TADA2B: variants seen among roughly 807,000 people sequenced by gnomAD.
TADA2B encodes the protein transcriptional adapter 2-beta.
TADA2B carries 13 observed loss-of-function variants against 34.5 expected under a neutral mutation model. The observed-to-expected ratio is 0.38, with a 90% confidence interval of 0.25 to 0.60. TADA2B has a LOEUF of 0.60. Ranked by LOEUF, TADA2B falls within the 20% of genes least tolerant of loss-of-function variation. The pLI, the probability that TADA2B is intolerant of heterozygous loss-of-function variation, is 0.65. For missense variants in TADA2B, 442 were observed against 575.0 expected (o/e 0.77, Z 2.37); for synonymous variants, 240 against 243.4 (o/e 0.99, Z 0.13).
chr4:7,055,164 T>A lies in TADA2B; in HGVS notation c.*110T>A. On this transcript the variant is annotated 3_prime_UTR_variant, in exon 2 of 2. Coordinates refer to ENST00000310074, the MANE Select transcript of TADA2B (RefSeq NM_152293.3). ...GTTGCTCTTTTTTAAACAAATTGAG[T>A]TCCTTTTTTTAAGATAGAAATTCTT... 1.8e-6 allele frequency: 2 copies of A among 1,139,078 alleles called. No individual in the cohort carries two copies. Among genetic ancestry groups the A allele is most frequent in the East Asian group, 5.2e-5 (2 of 38,520 alleles). 70.6% of individuals were successfully genotyped at this position (1,139,078 alleles called of 1,614,324 possible).
Position 7,043,602 on chromosome 4 carries a change from A to T in TADA2B, c.23A>T (p.Tyr8Phe). MAELGKK[Y>F]CVYCLAEVSP... ...AAGATGGCGGAGCTGGGGAAGAAGT[A>T]CTGCGTGTACTGCCTGGCCGAGGTG... is the stretch of plus-strand genomic sequence containing the variant. The change falls in exon 1 of 2, where the codon TAC becomes TTC. Residue 8 changes from tyrosine (Y) to phenylalanine (F), a missense_variant. Around this residue, in one of 4 missense-constraint regions of TADA2B, gnomAD observed 102 missense variants for 177.2 expected, o/e 0.58. Transcript: ENST00000310074. 2.2e-6 allele frequency: 3 copies of T among 1,385,208 alleles called. No individual in the cohort carries two copies. The highest frequency in any genetic ancestry group is 2.9e-6 in the Non-Finnish European group (3 of 1,049,680). The allele number at this position is 1,385,208 out of a possible 1,614,324, so 85.8% of individuals were successfully genotyped here.
At chr4:7,049,958 G>A (rs929742721) in intron 1 of TADA2B, among the ~76,000 whole-genome samples, 7 of 152,382 alleles carry the variant, frequency 4.6e-5, no homozygotes, top group Admixed American at 3.9e-4. Flanking sequence ...AAGTGACTTT[G>A]CTGTGGAATG....
chr4:7,054,933 T>A lies in TADA2B; in HGVS notation c.1142T>A (p.Leu381His). 6.2e-7 allele frequency: 1 copy of A among 1,613,800 alleles called. No homozygotes were observed. Among genetic ancestry groups the A allele is most frequent in the Non-Finnish European group, 8.5e-7 (1 of 1,179,874 alleles). ...AAGACTATTATAATTAAAGACCACC[T>A]CCAGAAGCGGCAAGGAATCCCCTCC... ...TVKTIIIKDH[L>H]QKRQGIPSKS... The change falls in exon 2 of 2, where the codon CTC becomes CAC. Residue 381 changes from leucine to histidine, a missense_variant. Coordinates refer to ENST00000310074, the MANE Select transcript of TADA2B (RefSeq NM_152293.3).
intron 1 of TADA2B, among the ~76,000 whole-genome samples, chr4:7,050,806 C>T (rs1723749279): frequency 1.3e-5 from 2 of 152,378 alleles, no homozygotes; most frequent in African/African-American, 4.8e-5. Context: ...CGCTCTGCCT[C>T]TCATCACAAC....
At chr4:7,051,289 C>G (rs1483495262) in intron 1 of TADA2B, among the ~76,000 whole-genome samples, 1 of 152,188 alleles carries the variant, frequency 6.6e-6, no homozygotes, top group Admixed American at 6.5e-5. Context: ...ACCGAGCACA[C>G]GCTGTGGCCG....
At chr4:7,053,319 C>T (rs1421884818) in intron 1 of TADA2B, 1 of 152,346 alleles carries the variant, frequency 6.6e-6, no homozygotes, top group African/African-American at 2.4e-5. Flanking sequence ...ATGATGAATG[C>T]TTTCAGCCAG....
At chr4:7,044,575 T>C (rs1289352912) in intron 1 of TADA2B, among the ~76,000 whole-genome samples, 1 of 152,126 alleles carries the variant, frequency 6.6e-6, no homozygotes, top group East Asian at 1.9e-4. Flanking sequence ...CTAGGTTCTG[T>C]CCTTGAGAGA....
Position 7,055,916 on chromosome 4 carries a change from G to C in TADA2B, c.*862G>C, listed in dbSNP as rs975233461. ...TTTTCCGGGGCTGCTCGGTGCTGCT[G>C]TTAAGACGTGAGTGCATTTCACTTG... On this transcript the variant is annotated 3_prime_UTR_variant, in exon 2 of 2. Transcript: ENST00000310074. 1.3e-5 allele frequency: 2 copies of C among 152,254 alleles called. No homozygotes were observed. The highest frequency in any genetic ancestry group is 4.8e-5 in the African/African-American group (2 of 41,462). 9.4% of individuals were successfully genotyped at this position (152,254 alleles called of 1,614,324 possible).
At chr4:7,053,088 T>C (rs1723804967) in intron 1 of TADA2B, 1 of 152,420 alleles carries the variant, frequency 6.6e-6, no homozygotes, top group Non-Finnish European at 1.5e-5. Context: ...CAGGCAGCGC[T>C]GCAGTGCTGG....
In TADA2B at chr4:7,055,133, C is replaced by T. The variant is rs1453058417; in HGVS notation, c.*79C>T. 1.6e-5 allele frequency: 23 copies of T among 1,396,162 alleles called. No homozygotes were observed. Among genetic ancestry groups the T allele is most frequent in the Admixed American group, 2.7e-5 (1 of 37,394 alleles). 86.5% of individuals were successfully genotyped at this position (1,396,162 alleles called of 1,614,324 possible). A position where few individuals can be genotyped will look rare whatever the true frequency, so the allele number is the denominator to read the frequency against. On this transcript the variant is annotated 3_prime_UTR_variant, in exon 2 of 2. Coordinates refer to ENST00000310074, the MANE Select transcript of TADA2B (RefSeq NM_152293.3). Reference sequence around the variant, plus strand: ...TGACTTGGGGGAGGGGAGCCGCTTCCCCACTGTTGCTCTTTTTTAAACAAA... The same window carrying T: ...TGACTTGGGGGAGGGGAGCCGCTTCTCCACTGTTGCTCTTTTTTAAACAAA...
At position 7,054,418 on chromosome 4, in the gene TADA2B, C is replaced by T. The variant is rs747512193; in HGVS notation, c.627C>T (p.Tyr209=). The change falls in exon 2 of 2, where the codon TAC becomes TAT. Residue 209 remains tyrosine (Y), a synonymous_variant. Transcript: ENST00000310074. ...TGAAGCGCGCCCACGTGGACATGTACGTGCGGAAGCTGAAAGAGAGACAGC... is the reference window on the plus strand; with the variant it reads ...TGAAGCGCGCCCACGTGGACATGTATGTGCGGAAGCTGAAAGAGAGACAGC... The part of the protein sequence containing the change: ...IELKRAHVDM[Y]VRKLKERQRR... 1.5e-5 allele frequency: 24 copies of T among 1,613,620 alleles called. 1 individual carries two copies. In the South Asian group the frequency reaches 2.2e-4, roughly 15 times the overall value.
intron 1 of TADA2B, chr4:7,053,652 T>G (rs190224091): frequency 6.8e-4 from 114 of 168,222 alleles, no homozygotes; most frequent in African/African-American, 2.6e-3. Context: ...TGGCCTGCCC[T>G]GCTGTCTCCT....
At position 7,057,870 on chromosome 4, in the gene TADA2B, A is replaced by G. The variant is rs1008352701; in HGVS notation, c.*2816A>G. Reference sequence around the variant, plus strand: ...TGAAATAATGCTGTCTGAATGGCCAACATCCCAAGAATGTATTAAAAACAG... The same window carrying G: ...TGAAATAATGCTGTCTGAATGGCCAGCATCCCAAGAATGTATTAAAAACAG... On this transcript the variant is annotated 3_prime_UTR_variant, in exon 2 of 2. Transcript: ENST00000310074. The G allele has an allele frequency of 6.9e-6, 1 of 144,226 alleles. No individual in the cohort carries two copies. Among genetic ancestry groups the G allele is most frequent in the South Asian group, 2.3e-4 (1 of 4,264 alleles). The allele number at this position is 144,226 out of a possible 1,614,324, so 8.9% of individuals were successfully genotyped here. A position where few individuals can be genotyped will look rare whatever the true frequency, so the allele number is the denominator to read the frequency against.
rs1723885773 is a variant in TADA2B at position 7,056,050 on chromosome 4, C to T, written c.*996C>T. 6.6e-6 allele frequency: 1 copy of T among 152,458 alleles called. No homozygotes were observed. Among genetic ancestry groups the T allele is most frequent in the Admixed American group, 6.5e-5 (1 of 15,282 alleles). The allele number at this position is 152,458 out of a possible 1,614,324, so 9.4% of individuals were successfully genotyped here. On this transcript the variant is annotated 3_prime_UTR_variant, in exon 2 of 2. Transcript: ENST00000310074. ...CCTTTCCACTGAAAATATGAGCATG[C>T]CCGCCTGGCTAGTAGGCATCTGTAA...
Position 7,043,393 on chromosome 4 carries a change from G to C in TADA2B, c.-187G>C, listed in dbSNP as rs920760229. The C allele has an allele frequency of 2.1e-4, 34 of 162,370 alleles. No homozygotes were observed. The highest frequency in any genetic ancestry group is 2.2e-4 in the Non-Finnish European group (18 of 80,336). 10.1% of individuals were successfully genotyped at this position (162,370 alleles called of 1,614,324 possible). A position where few individuals can be genotyped will look rare whatever the true frequency, so the allele number is the denominator to read the frequency against. On this transcript the variant is annotated 5_prime_UTR_variant, in exon 1 of 2. Transcript: ENST00000310074. ...GGCCGGACGGCGCCTGCGTACTGAGGGGGGACGCGGCCCGGCTGGCTGGCT... is the reference window on the plus strand; with the variant it reads ...GGCCGGACGGCGCCTGCGTACTGAGCGGGGACGCGGCCCGGCTGGCTGGCT...
At chr4:7,045,351 T>G (rs561991345) in intron 1 of TADA2B, among the ~76,000 whole-genome samples, 36 of 152,242 alleles carry the variant, frequency 2.4e-4, no homozygotes, top group Non-Finnish European at 4.4e-4. Context: ...CGTTTACTTC[T>G]TGCCTTGACC....
chr4:7,051,260 G>T (rs55784382), intron 1 of TADA2B, among the ~76,000 whole-genome samples: 1 of 152,104 alleles, frequency 6.6e-6, no homozygotes. Context: ...AGCATCCAGC[G>T]CTGGGGAAAG....
In TADA2B at chr4:7,054,580, C is replaced by T. The variant is rs765232007; in HGVS notation, c.789C>T (p.Tyr263=). 66 of 1,613,794 alleles carry T rather than the reference C, an allele frequency of 4.1e-5. No homozygotes were observed. Among genetic ancestry groups the T allele is most frequent in the Non-Finnish European group, 5.5e-5 (65 of 1,179,914 alleles). Residue 263 remains tyrosine (Y), a synonymous_variant, in exon 2 of 2, where the codon TAC becomes TAT. Transcript: ENST00000310074. Reference sequence around the variant, plus strand: ...TGCGCCTGAAGCTGAGGCCGCTGTACCAGTTCATGTCATGCAAGGAGTTTG... The same window carrying T: ...TGCGCCTGAAGCTGAGGCCGCTGTATCAGTTCATGTCATGCAAGGAGTTTG... ...KELRLKLRPL[Y]QFMSCKEFDD...
At chr4:7,048,259 A>G (rs1723681167) in intron 1 of TADA2B, among the ~76,000 whole-genome samples, 3 of 152,126 alleles carry the variant, frequency 2.0e-5, no homozygotes, top group Admixed American at 2.0e-4. Context: ...GCGGGCTTCC[A>G]GGGATGACCA....
Sources: allele counts gnomAD v4.1 joint callset (sites outside exome capture counted in the v4.1 genomes callset), GRCh38; gene constraint gnomAD v4.1.1; regional missense constraint gnomAD v4.1.1; transcripts MANE v1.5; gene names NCBI Gene and HGNC (gene_info 2026-07-23, HGNC 2026-07-21).